Variants in UGT1A3 observed in about 807,000 individuals in gnomAD.
The protein encoded by UGT1A3 is UDP-glucuronosyltransferase 1A3.
UGT1A3 carries 31 observed loss-of-function variants against 41.0 expected under a neutral mutation model. The observed-to-expected ratio is 0.76, with a 90% CI of 0.57 to 1.02. The LOEUF is 1.02. Among genes scored for constraint, UGT1A3 ranks in the 50% least tolerant of loss-of-function variants. UGT1A3 has a pLI of 0.00. For missense variants in UGT1A3, 737 were observed against 671.0 expected (o/e 1.10, Z -1.09); for synonymous variants, 262 against 257.6 (o/e 1.02, Z -0.17).
intron 1 of UGT1A3, among the ~76,000 whole-genome samples, chr2:233,745,694 GAAC>G (rs1198123453): frequency 1.3e-5 from 2 of 150,076 alleles, no homozygotes; most frequent in African/African-American, 2.5e-5. Flanking sequence ...CAAGTTTGGA[GAAC>G]AACAAGTGAT....
intron 1 of UGT1A3, among the ~76,000 whole-genome samples, chr2:233,745,770 A>C (rs1250440901): frequency 1.3e-5 from 2 of 148,808 alleles, no homozygotes. Flanking sequence ...GAGAGGAGGA[A>C]TGAGCTTAGA....
intron 4 of UGT1A3, 111 bp from the exon 5 acceptor site, chr2:233,772,151 C>T (rs1700473345): frequency 1.3e-6 from 2 of 1,555,904 alleles, no homozygotes; most frequent in Non-Finnish European, 8.7e-7. Context: ...AACAGGTTTC[C>T]TTTCCCAAGT....
chr2:233,761,294 G>T, intron 1 of UGT1A3: 1 of 1,510,468 alleles, frequency 6.6e-7, no homozygotes, highest in Non-Finnish European at 9.0e-7. Flanking sequence ...TGACTCCTAG[G>T]TTTGAGTCTG....
rs540500479 is a variant in UGT1A3 at position 233,771,122 on chromosome 2, G to A, written c.1308-1140G>A. On this transcript the variant is annotated intron_variant, in intron 4 of 4. Coordinates refer to ENST00000482026, the MANE Select transcript of UGT1A3 (RefSeq NM_019093.4). ...GACAGCACTAAAGCACAAGGGATCCGACCCCATGATCCAAACACCTCCCAC... is the reference window on the plus strand; with the variant it reads ...GACAGCACTAAAGCACAAGGGATCCAACCCCATGATCCAAACACCTCCCAC... 7.1e-4 allele frequency: 108 copies of A among 152,186 alleles called. 1 individual carries two copies. The highest frequency in any genetic ancestry group is 2.5e-3 in the African/African-American group (104 of 41,518). 9.4% of individuals were successfully genotyped at this position (152,186 alleles called of 1,614,324 possible). A position where few individuals can be genotyped will look rare whatever the true frequency, so the allele number is the denominator to read the frequency against.
At chr2:233,739,133 T>C (rs570890692) in intron 1 of UGT1A3, 1 of 152,384 alleles carries the variant, frequency 6.6e-6, no homozygotes, top group East Asian at 1.9e-4. Context: ...GATAAGAATT[T>C]AGGTTTGGGA....
At chr2:233,763,651 C>T (rs1168041564) in intron 1 of UGT1A3, among the ~76,000 whole-genome samples, 2 of 152,174 alleles carry the variant, frequency 1.3e-5, no homozygotes, top group Non-Finnish European at 2.9e-5. Context: ...TCTCAATACT[C>T]TTGATAAAAC....
In UGT1A3 at chr2:233,754,644, T is replaced by G. The variant is rs1255750118; in HGVS notation, c.868-12390T>G. 6 of 449,562 alleles carry G rather than the reference T, an allele frequency of 1.3e-5. No individual in the cohort carries two copies. In the Admixed American group the frequency reaches 1.5e-4, roughly 11 times the overall value. 27.8% of individuals were successfully genotyped at this position (449,562 alleles called of 1,614,324 possible). A position where few individuals can be genotyped will look rare whatever the true frequency, so the allele number is the denominator to read the frequency against. On this transcript the variant is annotated intron_variant, in intron 1 of 4. Coordinates refer to ENST00000482026, the MANE Select transcript of UGT1A3 (RefSeq NM_019093.4). ...CACTTCCACCCTTTCTTGGCCATTCTCAATGATTCTCTTGGTGGTGATTTT... is the reference window on the plus strand; with the variant it reads ...CACTTCCACCCTTTCTTGGCCATTCGCAATGATTCTCTTGGTGGTGATTTT...
At chr2:233,763,181 G>A (rs1559409754) in intron 1 of UGT1A3, among the ~76,000 whole-genome samples, 1 of 152,170 alleles carries the variant, frequency 6.6e-6, no homozygotes. Flanking sequence ...CTACATATTT[G>A]TTGTTGCCTT....
At chr2:233,761,229 T>C in intron 1 of UGT1A3, 2 of 1,613,382 alleles carry the variant, frequency 1.2e-6, no homozygotes, top group Non-Finnish European at 1.7e-6. Flanking sequence ...TAGCCCCAGA[T>C]ATATGCTGAG....
At chr2:233,761,264 T>G in intron 1 of UGT1A3, 1 of 1,597,186 alleles carries the variant, frequency 6.3e-7, no homozygotes, top group Non-Finnish European at 8.5e-7. Flanking sequence ...TAATTTAAAA[T>G]GCCCTCTTTT....
intron 1 of UGT1A3, among the ~76,000 whole-genome samples, chr2:233,733,323 T>C (rs921178929): frequency 2.6e-5 from 4 of 152,220 alleles, no homozygotes; most frequent in African/African-American, 9.6e-5. Flanking sequence ...CTGATTGCCC[T>C]GGCCAGAACT....
chr2:233,743,673 G>A, intron 1 of UGT1A3: 1 of 1,367,190 alleles, frequency 7.3e-7, no homozygotes, highest in South Asian at 1.1e-5. Flanking sequence ...TCCTCGAAGG[G>A]CCTGCCGCCT....
intron 1 of UGT1A3, among the ~76,000 whole-genome samples, chr2:233,745,730 G>T (rs1693190867): frequency 6.6e-6 from 1 of 150,482 alleles, no homozygotes; most frequent in Non-Finnish European, 1.5e-5. Context: ...GAGGGTAAGA[G>T]GCAGAGGGAG....
intron 1 of UGT1A3, chr2:233,747,296 G>A: frequency 6.2e-7 from 1 of 1,602,124 alleles, no homozygotes; most frequent in South Asian, 1.1e-5. Flanking sequence ...TGGGCTGAGA[G>A]TGGGAAGGTG....
intron 1 of UGT1A3, 81 bp downstream of exon 1, chr2:233,730,074 A>G: frequency 6.2e-7 from 1 of 1,607,274 alleles, no homozygotes; most frequent in African/African-American, 1.3e-5. Context: ...AATTGCTTCC[A>G]TATTTACTTA....
In UGT1A3 at chr2:233,755,048, C is replaced by T; in HGVS notation, c.868-11986C>T. ...AGGGCCTGCCGCCTGCGCAGCCGCC[C>T]TCCGCCCTCGCCTCGCCATAGCGGT... On this transcript the variant is annotated intron_variant, in intron 1 of 4. Transcript: ENST00000482026. 4 of 1,330,776 alleles carry T rather than the reference C, an allele frequency of 3.0e-6. No homozygotes were observed. In the South Asian group the frequency reaches 3.4e-5, roughly 11 times the overall value. The allele number at this position is 1,330,776 out of a possible 1,614,324, so 82.4% of individuals were successfully genotyped here.
intron 1 of UGT1A3, chr2:233,747,692 G>A: frequency 6.2e-7 from 1 of 1,611,132 alleles, no homozygotes; most frequent in Non-Finnish European, 8.5e-7. Context: ...GTGGGGCAGT[G>A]CTGGCTAAGT....
Position 233,768,374 on chromosome 2 carries a change from G to T in UGT1A3, c.1242G>T (p.Leu414=). Residue 414 remains leucine, a synonymous_variant, in exon 4 of 5, where the codon CTG becomes CTT. Transcript: ENST00000482026. ...AGACTAAGGGAGCTGGAGTGACCCT[G>T]AATGTTCTGGAAATGACTTCTGAAG... ...RMETKGAGVT[L]NVLEMTSEDL... 3 of 1,614,148 alleles carry T rather than the reference G, an allele frequency of 1.9e-6. No individual in the cohort carries two copies. The highest frequency in any genetic ancestry group is 2.5e-6 in the Non-Finnish European group (3 of 1,180,028).
intron 1 of UGT1A3, among the ~76,000 whole-genome samples, chr2:233,757,321 C>G (rs1250382430): frequency 6.6e-6 from 1 of 150,460 alleles, no homozygotes; most frequent in Non-Finnish European, 1.5e-5. Context: ...GGCTGGGGCC[C>G]TGAAATGGGA....
Sources: allele counts gnomAD v4.1 joint callset (sites outside exome capture counted in the v4.1 genomes callset), GRCh38; gene constraint gnomAD v4.1.1; transcripts MANE v1.5; gene names NCBI Gene and HGNC (gene_info 2026-07-23, HGNC 2026-07-21).